Variants in ALK observed in about 807,000 individuals in gnomAD.
The protein encoded by ALK is ALK receptor tyrosine kinase.
Under a neutral mutation model 163.1 loss-of-function variants are expected in ALK, and 74 were observed. That is an observed-to-expected ratio of 0.45 (90% confidence interval 0.38 to 0.55). The LOEUF is 0.55. Ranked by LOEUF, ALK falls within the 20% of genes least tolerant of loss-of-function variation. The pLI, the probability that ALK is intolerant of heterozygous loss-of-function variation, is 0.00. For missense variants in ALK, 2,063 were observed against 2,105.3 expected (o/e 0.98, Z 0.39); for synonymous variants, 960 against 843.2 (o/e 1.14, Z -2.40).
chr2:29,679,020 A>T (rs1460584538), intron 3 of ALK, among the ~76,000 whole-genome samples: 1 of 151,794 alleles, frequency 6.6e-6, no homozygotes, highest in African/African-American at 2.4e-5. Context: ...TTCAGTTCTA[A>T]CAGTTTTGCT....
chr2:29,715,380 A>G (rs922675019), intron 2 of ALK, among the ~76,000 whole-genome samples: 1 of 152,132 alleles, frequency 6.6e-6, no homozygotes, highest in African/African-American at 2.4e-5. Context: ...CCAGGAGGAG[A>G]GTTTGAAAGA....
intron 1 of ALK, among the ~76,000 whole-genome samples, chr2:29,767,141 T>C (rs1317179883): frequency 6.6e-6 from 1 of 152,222 alleles, no homozygotes; most frequent in Admixed American, 6.5e-5. Flanking sequence ...GATCAGGAGT[T>C]TACATATAAT....
intron 1 of ALK, among the ~76,000 whole-genome samples, chr2:29,772,954 A>C (rs1159599425): frequency 6.6e-6 from 1 of 152,182 alleles, no homozygotes; most frequent in Non-Finnish European, 1.5e-5. Context: ...AACTCTAGGA[A>C]AATGGGATTT....
chr2:29,193,432 C>T lies in ALK; in HGVS notation c.4655G>A (p.Gly1552Glu), dbSNP rs1668929634. The T allele has an allele frequency of 1.2e-6, 2 of 1,614,154 alleles. No homozygotes were observed. The highest frequency in any genetic ancestry group is 8.5e-7 in the Non-Finnish European group (1 of 1,180,024). Residue 1552 changes from glycine to glutamate, a missense_variant, in exon 29 of 29, where the codon GGG (glycine) becomes GAG (glutamate). Gly to Glu is a moderately conservative substitution (Grantham distance 98, BLOSUM62 -2). Transcript: ENST00000389048. ...AGAGGGCTCTAGGAGCAGTGAGGCC[C>T]CCGGAAGTCTCCCAGTTGCAACGTT... ...PPNVATGRLP[G>E]ASLLLEPSSL...
intron 1 of ALK, among the ~76,000 whole-genome samples, chr2:29,889,695 CAGAGAGAGAGAGAGAGAG>C (rs869083201): frequency 0.05 from 5,087 of 101,810 alleles, 316 homozygotes; most frequent in African/African-American, 0.063. Context: ...GATAGATAGA[CAGAGAGAGAGAGAGAGAG>C]AGAGAGAGAG....
rs13397113 is a variant in ALK, at chr2:29,239,539, A to G, written c.2355+141T>C. 123,251 of 1,091,446 alleles carry G rather than the reference A, an allele frequency of 0.11. 10,447 individuals carry two copies. Among genetic ancestry groups the G allele is most frequent in the African/African-American group, 0.39 (25,435 of 64,642 alleles). The allele number at this position is 1,091,446 out of a possible 1,614,324, so 67.6% of individuals were successfully genotyped here. On this transcript the variant is annotated intron_variant, in intron 13 of 28. Transcript: ENST00000389048. ...CCACTGGGGTGCTGGGAGTTTGCAAAGCTGCTGTTTAATTACTCTTTGCTG... is the reference window on the plus strand; with the variant it reads ...CCACTGGGGTGCTGGGAGTTTGCAAGGCTGCTGTTTAATTACTCTTTGCTG...
chr2:29,615,655 A>T (rs1017362615), intron 3 of ALK, among the ~76,000 whole-genome samples: 5 of 152,080 alleles, frequency 3.3e-5, no homozygotes, highest in Admixed American at 3.3e-4. Context: ...GACTGGGAGG[A>T]TCCTTCATAG....
chr2:29,876,545 T>C (rs543080128), intron 1 of ALK, among the ~76,000 whole-genome samples: 2 of 151,852 alleles, frequency 1.3e-5, no homozygotes, highest in African/African-American at 2.4e-5. Flanking sequence ...GTAGTGGTAA[T>C]GGTGGTGATG....
At chr2:29,717,740 G>T (rs1323803108) in intron 1 of ALK, 43 bp from the exon 2 acceptor site, 8 of 1,613,482 alleles carry the variant, frequency 5.0e-6, no homozygotes, top group South Asian at 2.2e-5. Context: ...TGTGCTTGGG[G>T]TGTGTCTTTT....
At chr2:29,526,556 A>G (rs1276301920) in intron 4 of ALK, among the ~76,000 whole-genome samples, 1 of 152,198 alleles carries the variant, frequency 6.6e-6, no homozygotes, top group Non-Finnish European at 1.5e-5. Context: ...ACCATGGGGG[A>G]AAAGAGAGAA....
chr2:29,787,073 GCATGAGC>G (rs1323236183), intron 1 of ALK, among the ~76,000 whole-genome samples: 1 of 152,108 alleles, frequency 6.6e-6, no homozygotes, highest in East Asian at 1.9e-4. Context: ...GGGATTACAG[GCATGAGC>G]CACCATGCCC....
At chr2:29,223,227 G>T (rs1669854719) in intron 20 of ALK, 115 bp downstream of exon 20, 2 of 1,108,830 alleles carry the variant, frequency 1.8e-6, no homozygotes, top group Non-Finnish European at 2.7e-6. Context: ...GGCTAGGGGT[G>T]CCCATAGGGA....
rs1357504929 is a variant in ALK at position 29,638,133 on chromosome 2, T to G, written c.952+56717A>C. 2.0e-5 allele frequency among the ~76,000 whole-genome samples: 3 copies of G among 152,184 alleles called. No individual in the cohort carries two copies. The East Asian group carries it at 5.8e-4, about 29-fold the overall frequency. On this transcript the variant is annotated intron_variant, in intron 3 of 28. Coordinates refer to ENST00000389048, the MANE Select transcript of ALK (RefSeq NM_004304.5). Reference sequence around the variant, plus strand: ...ACTTGAGATACTTGGAGGGCTCTGATAGCCATTTTTGGCATCTCAACAATG... The same window carrying G: ...ACTTGAGATACTTGGAGGGCTCTGAGAGCCATTTTTGGCATCTCAACAATG...
intron 7 of ALK, among the ~76,000 whole-genome samples, 200 bp from the exon 8 acceptor site, chr2:29,318,604 T>A (rs1450779074): frequency 6.6e-6 from 1 of 151,498 alleles, no homozygotes; most frequent in East Asian, 1.9e-4. Flanking sequence ...TCTTGCTCTG[T>A]AGCTCAGACC....
intron 3 of ALK, among the ~76,000 whole-genome samples, chr2:29,625,689 T>C (rs1255728199): frequency 6.6e-6 from 1 of 152,264 alleles, no homozygotes. Flanking sequence ...GCCAGGTGTT[T>C]GGCTGCAAAT....
chr2:29,522,975 G>A (rs143484741), intron 4 of ALK, among the ~76,000 whole-genome samples: 10 of 152,312 alleles, frequency 6.6e-5, no homozygotes, highest in African/African-American at 2.2e-4. Context: ...TACAAGAAGA[G>A]GTAGTGGTGA....
chr2:29,377,491 A>AAG (rs1491536181), intron 5 of ALK, among the ~76,000 whole-genome samples: 5 of 151,184 alleles, frequency 3.3e-5, no homozygotes, highest in African/African-American at 7.3e-5. Flanking sequence ...AAAAAAAAAA[A>AAG]AGAGAGAGCT....
intron 4 of ALK, among the ~76,000 whole-genome samples, chr2:29,432,188 C>A (rs1670287860): frequency 6.6e-6 from 1 of 152,024 alleles, no homozygotes; most frequent in African/African-American, 2.4e-5. Context: ...AATGTGGCCT[C>A]CAATGTTGGA....
At chr2:29,784,713 A>AAACAGC (rs1553361851) in intron 1 of ALK, among the ~76,000 whole-genome samples, 1 of 150,740 alleles carries the variant, frequency 6.6e-6, no homozygotes, top group Non-Finnish European at 1.5e-5. Context: ...ACAACAACAA[A>AAACAGC]AACAACAACA....
Sources: gnomAD v4.1 joint callset for allele counts (sites outside exome capture counted in the v4.1 genomes callset) on GRCh38, gnomAD v4.1.1 for gene constraint, MANE v1.5 for transcripts, NCBI Gene and HGNC (gene_info 2026-07-23, HGNC 2026-07-21) for gene names.